Variants in RAB20 observed in about 807,000 individuals in gnomAD.
RAB20 encodes RAB20, member RAS oncogene family.
A neutral mutation model predicts 3.7 loss-of-function variants in RAB20; 2 were observed. That is an observed-to-expected ratio of 0.54 (90% CI 0.22 to 1.69). RAB20 has a LOEUF of 1.69. RAB20 is among the 40% of genes most tolerant of loss of function. The pLI, the probability that RAB20 is intolerant of heterozygous loss-of-function variation, is 0.19. For synonymous variants in RAB20, 126 were observed against 130.8 expected, an observed-to-expected ratio of 0.96 and a Z score of 0.25; for missense variants, 276 against 311.9, an observed-to-expected ratio of 0.88 and a Z score of 0.87.
rs190455888 is a variant in RAB20 at position 110,544,647 on chromosome 13, G to A, written c.172+16701C>T. Among the ~76,000 whole-genome samples the A allele has an allele frequency of 1.7e-3, 266 of 152,360 alleles. 1 individual carries two copies. The highest frequency in any genetic ancestry group is 6.2e-3 in the African/African-American group (259 of 41,578). The stretch of plus-strand genomic sequence containing the variant: ...CTCAAAGAAGTCAAGGCACAGAGAC[G>A]TGTGGCGCAGACAGACGGGAATACT... On this transcript the variant is annotated intron_variant, in intron 1 of 1. Transcript: ENST00000267328.
At chr13:110,538,389 T>C (rs1315039975) in intron 1 of RAB20, among the ~76,000 whole-genome samples, 1 of 151,654 alleles carries the variant, frequency 6.6e-6, no homozygotes, top group Non-Finnish European at 1.5e-5. Context: ...GAGGATTGCT[T>C]GAGCTCAGGA....
At chr13:110,551,831 G>A (rs34874478) in intron 1 of RAB20, among the ~76,000 whole-genome samples, 3,197 of 151,016 alleles carry the variant, frequency 0.021, 52 homozygotes, top group African/African-American at 0.034. Flanking sequence ...CTGTAATCTC[G>A]GCACTTGAAG....
intron 1 of RAB20, among the ~76,000 whole-genome samples, chr13:110,548,399 G>A (rs1185783910): frequency 6.6e-6 from 1 of 152,002 alleles, no homozygotes; most frequent in African/African-American, 2.4e-5. Context: ...CAGGAGAATT[G>A]CTTGAAGCTG....
intron 1 of RAB20, among the ~76,000 whole-genome samples, chr13:110,535,482 C>A (rs1363294999): frequency 1.3e-5 from 2 of 152,252 alleles, no homozygotes; most frequent in East Asian, 3.8e-4. Context: ...TTCATGGATC[C>A]TTAAACCACT....
chr13:110,538,597 CAA>C (rs67409356), intron 1 of RAB20, among the ~76,000 whole-genome samples: 1,348 of 70,472 alleles, frequency 0.019, 5 homozygotes, highest in African/African-American at 0.078. Flanking sequence ...GATCTTCTCT[CAA>C]AAAAAAAAAA....
Position 110,561,708 on chromosome 13 carries a change from A to G in RAB20, c.-189T>C, listed in dbSNP as rs1473275282. Reference sequence around the variant, plus strand: ...AAGCGCGTGTGCGCGCCCGGGAAGGAGCTGGGTGCAGAGCACGGAGCCCAC... The same window carrying G: ...AAGCGCGTGTGCGCGCCCGGGAAGGGGCTGGGTGCAGAGCACGGAGCCCAC... On this transcript the variant is annotated 5_prime_UTR_variant, in exon 1 of 2. Coordinates refer to ENST00000267328, the MANE Select transcript of RAB20 (RefSeq NM_017817.3). 1.1e-5 allele frequency: 12 copies of G among 1,061,698 alleles called. No homozygotes were observed. Among genetic ancestry groups the G allele is most frequent in the East Asian group, 3.3e-5 (1 of 30,058 alleles). 65.8% of individuals were successfully genotyped at this position (1,061,698 alleles called of 1,614,324 possible). A position where few individuals can be genotyped will look rare whatever the true frequency, so the allele number is the denominator to read the frequency against.
intron 1 of RAB20, among the ~76,000 whole-genome samples, chr13:110,531,659 G>A (rs1398082635): frequency 6.6e-6 from 1 of 152,174 alleles, no homozygotes; most frequent in African/African-American, 2.4e-5. Context: ...TCCATAAATC[G>A]TGAGATTCCT....
rs111479251 is a variant in RAB20, at chr13:110,523,492, C to G, written c.*173G>C. The G allele has an allele frequency of 1.0e-4, 129 of 1,257,070 alleles. No individual in the cohort carries two copies. The African/African-American group carries it at 1.6e-3, about 16-fold the overall frequency. The allele number at this position is 1,257,070 out of a possible 1,614,324, so 77.9% of individuals were successfully genotyped here. A position where few individuals can be genotyped will look rare whatever the true frequency, so the allele number is the denominator to read the frequency against. On this transcript the variant is annotated 3_prime_UTR_variant, in exon 2 of 2. Coordinates refer to ENST00000267328, the MANE Select transcript of RAB20 (RefSeq NM_017817.3). ...CCCCTCTGACAGAGACTGAGGAGAC[C>G]ACACACGTTGACCTCCTCTTCATAG...
At chr13:110,548,150 A>G (rs957810503) in intron 1 of RAB20, among the ~76,000 whole-genome samples, 2 of 149,462 alleles carry the variant, frequency 1.3e-5, no homozygotes, top group African/African-American at 2.5e-5. Flanking sequence ...AGAATGCTAC[A>G]TCTTTTTGAT....
chr13:110,529,722 C>G (rs1376319917), intron 1 of RAB20, among the ~76,000 whole-genome samples: 1 of 152,140 alleles, frequency 6.6e-6, no homozygotes, highest in African/African-American at 2.4e-5. Flanking sequence ...GCTGGGGGCA[C>G]GGGTTCAAGC....
intron 1 of RAB20, among the ~76,000 whole-genome samples, chr13:110,542,817 C>T (rs1341288959): frequency 6.6e-6 from 1 of 152,144 alleles, no homozygotes; most frequent in Non-Finnish European, 1.5e-5. Context: ...AGACAGATAC[C>T]CAGCAGTGGG....
chr13:110,549,603 G>C (rs944385207), intron 1 of RAB20, among the ~76,000 whole-genome samples: 1 of 152,260 alleles, frequency 6.6e-6, no homozygotes, highest in African/African-American at 2.4e-5. Context: ...TCCTTCCAGA[G>C]AGGGTCCTGC....
At chr13:110,558,606 T>A (rs2139592604) in intron 1 of RAB20, among the ~76,000 whole-genome samples, 1 of 151,334 alleles carries the variant, frequency 6.6e-6, no homozygotes, top group African/African-American at 2.4e-5. Context: ...GGTCTTGAAC[T>A]CCTGACCTTA....
chr13:110,534,684 T>C (rs1476501792), intron 1 of RAB20, among the ~76,000 whole-genome samples: 3 of 152,200 alleles, frequency 2.0e-5, no homozygotes, highest in African/African-American at 4.8e-5. Flanking sequence ...CCCAGGGGGC[T>C]TCCTAGCAGG....
chr13:110,542,166 C>T (rs1566588055), intron 1 of RAB20, among the ~76,000 whole-genome samples: 1 of 152,156 alleles, frequency 6.6e-6, no homozygotes, highest in Non-Finnish European at 1.5e-5. Flanking sequence ...AGAACGCTTG[C>T]TGTATTTTAT....
At chr13:110,543,230 G>A (rs1225374898) in intron 1 of RAB20, among the ~76,000 whole-genome samples, 1 of 151,990 alleles carries the variant, frequency 6.6e-6, no homozygotes, top group Non-Finnish European at 1.5e-5. Context: ...TCAAACTCAA[G>A]CGATCCTCCT....
chr13:110,556,240 G>T (rs1197874911), intron 1 of RAB20, among the ~76,000 whole-genome samples: 1 of 152,218 alleles, frequency 6.6e-6, no homozygotes, highest in Non-Finnish European at 1.5e-5. Flanking sequence ...GGGCCAGGAT[G>T]GATCCCACAA....
At chr13:110,536,738 G>GGGGGGGGT (rs1884647744) in intron 1 of RAB20, among the ~76,000 whole-genome samples, 2 of 101,046 alleles carry the variant, frequency 2.0e-5, no homozygotes, top group African/African-American at 4.1e-5. Flanking sequence ...GTGGGGGGGG[G>GGGGGGGGT]TTGTTTTTAT....
chr13:110,526,714 G>A (rs934312720), intron 1 of RAB20, among the ~76,000 whole-genome samples: 1 of 152,122 alleles, frequency 6.6e-6, no homozygotes, highest in African/African-American at 2.4e-5. Context: ...TGGCAGTAAG[G>A]GGCACTCATC....
Sources: gnomAD v4.1 joint callset for allele counts (sites outside exome capture counted in the v4.1 genomes callset) on GRCh38, gnomAD v4.1.1 for gene constraint, MANE v1.5 for transcripts, NCBI Gene and HGNC (gene_info 2026-07-23, HGNC 2026-07-21) for gene names.